The following ADAMTS14 variants were observed in gnomAD, a reference collection of about 807,000 sequenced individuals.
ADAMTS14 encodes the protein A disintegrin and metalloproteinase with thrombospondin motifs 14.
ADAMTS14 carries 100 observed loss-of-function variants against 128.6 expected under a neutral mutation model. The observed-to-expected ratio is 0.78, with a 90% CI of 0.66 to 0.92. The LOEUF (loss-of-function observed/expected upper bound fraction) is 0.92, where lower values mean the gene tolerates loss of function less well. ADAMTS14 is among the 40% of genes least tolerant of loss of function. The pLI is 0.00. For missense variants in ADAMTS14, 1,562 were observed against 1,658.6 expected (o/e 0.94, Z 1.01); for synonymous variants, 665 against 653.8 (o/e 1.02, Z -0.26).
intron 15 of ADAMTS14, among the ~76,000 whole-genome samples, chr10:70,747,014 A>G (rs1357991336): frequency 6.6e-6 from 1 of 152,150 alleles, no homozygotes; most frequent in East Asian, 1.9e-4. Flanking sequence ...CATAAATGGA[A>G]AAACAAAACA....
intron 2 of ADAMTS14, among the ~76,000 whole-genome samples, chr10:70,689,979 G>A (rs1840139155): frequency 6.9e-6 from 1 of 144,904 alleles, no homozygotes; most frequent in Non-Finnish European, 1.6e-5. Context: ...CATTTGGTAT[G>A]TCACATATTT....
At chr10:70,707,605 C>T (rs1053345382) in intron 3 of ADAMTS14, among the ~76,000 whole-genome samples, 4 of 152,192 alleles carry the variant, frequency 2.6e-5, no homozygotes, top group East Asian at 1.9e-4. Context: ...TACCCTTCTA[C>T]GTGGCGGCAT....
chr10:70,727,964 C>T (rs1309493746), intron 4 of ADAMTS14, among the ~76,000 whole-genome samples: 2 of 152,108 alleles, frequency 1.3e-5, no homozygotes, highest in Non-Finnish European at 1.5e-5. Flanking sequence ...GGTGTGGTGG[C>T]GGGTGCCTGT....
At position 70,691,482 on chromosome 10, in the gene ADAMTS14, C is replaced by G. The variant is rs1269596432; in HGVS notation, c.523-10830C>G. On this transcript the variant is annotated intron_variant, in intron 2 of 21. Transcript: ENST00000373207. ...CTCCAGCCTGGGGACAGAGTGAGAC[C>G]CTGTTAAAAAAAAAAAAAAAAAAAA... is the stretch of plus-strand genomic sequence containing the variant. Among the ~76,000 whole-genome samples, 9 of 97,846 alleles carry G rather than the reference C, an allele frequency of 9.2e-5. 1 individual carries two copies. The highest frequency in any genetic ancestry group is 2.5e-4 in the African/African-American group (7 of 28,088). 64.2% of individuals were successfully genotyped at this position (97,846 alleles called of 152,430 possible). A position where few individuals can be genotyped will look rare whatever the true frequency, so the allele number is the denominator to read the frequency against.
At chr10:70,680,348 T>A (rs1444031525) in intron 2 of ADAMTS14, among the ~76,000 whole-genome samples, 1 of 152,028 alleles carries the variant, frequency 6.6e-6, no homozygotes, top group Non-Finnish European at 1.5e-5. Context: ...GAGGTTGCAG[T>A]GAGCCAAGAT....
intron 2 of ADAMTS14, among the ~76,000 whole-genome samples, chr10:70,694,751 G>A (rs1190275556): frequency 6.6e-6 from 1 of 152,082 alleles, no homozygotes; most frequent in East Asian, 1.9e-4. Context: ...TCATTGTATG[G>A]CTATATATAT....
chr10:70,749,608 A>AGT (rs72483126), intron 15 of ADAMTS14, among the ~76,000 whole-genome samples: 9,801 of 147,756 alleles, frequency 0.066, 350 homozygotes, highest in African/African-American at 0.092. Flanking sequence ...AGGCAGCAAG[A>AGT]GTGTGTGTGT....
In ADAMTS14 at chr10:70,738,956, G is replaced by A; in HGVS notation, c.1714G>A (p.Val572Met). 6.2e-7 allele frequency: 1 copy of A among 1,613,158 alleles called. No individual in the cohort carries two copies. The highest frequency in any genetic ancestry group is 8.5e-7 in the Non-Finnish European group (1 of 1,179,444). ...ATGTTCGCGGTCATGTGGGGGCGGGGTGCGATCCCGCAGCCGGAGCTGCAA... is the reference window on the plus strand; with the variant it reads ...ATGTTCGCGGTCATGTGGGGGCGGGATGCGATCCCGCAGCCGGAGCTGCAA... Reference protein sequence around the residue: ...GSCSRSCGGGVRSRSRSCNNP... With the variant: ...GSCSRSCGGGMRSRSRSCNNP... The change falls in exon 11 of 22, where the codon GTG (valine) becomes ATG (methionine). Residue 572 changes from valine to methionine, a missense_variant. Physicochemically the swap from Val to Met is conservative, Grantham distance 21 (BLOSUM62 1). Coordinates refer to ENST00000373207, the MANE Select transcript of ADAMTS14 (RefSeq NM_080722.4).
intron 4 of ADAMTS14, among the ~76,000 whole-genome samples, chr10:70,714,002 T>G (rs1840939987): frequency 6.6e-6 from 1 of 152,138 alleles, no homozygotes; most frequent in Non-Finnish European, 1.5e-5. Context: ...AAGACAAGCC[T>G]GGGCATAGCA....
At chr10:70,703,501 G>A (rs1840558375) in intron 3 of ADAMTS14, among the ~76,000 whole-genome samples, 1 of 152,216 alleles carries the variant, frequency 6.6e-6, no homozygotes, top group Admixed American at 6.5e-5. Flanking sequence ...TGGCACCAGA[G>A]CCAGAGGGTT....
At chr10:70,759,426 C>G (rs186070054) in intron 21 of ADAMTS14, among the ~76,000 whole-genome samples, 24 of 152,224 alleles carry the variant, frequency 1.6e-4, no homozygotes, top group Admixed American at 1.4e-3. Context: ...TCTGGAGAAG[C>G]CTACATGGAG....
rs552509796 is a variant in ADAMTS14, at chr10:70,753,450, G to A, written c.2730-350G>A. On this transcript the variant is annotated intron_variant, in intron 18 of 21. Coordinates refer to ENST00000373207, the MANE Select transcript of ADAMTS14 (RefSeq NM_080722.4). ...TCTCAGCACCCAGGACAGTGCTTGC[G>A]CCAGTGGGCCCTCAAATATGTATGC... Among the ~76,000 whole-genome samples, 11 of 152,324 alleles carry A rather than the reference G, an allele frequency of 7.2e-5. No homozygotes were observed. The South Asian group carries it at 8.3e-4, about 11-fold the overall frequency.
rs12573006 is a variant in ADAMTS14 at position 70,743,765 on chromosome 10, G to T, written c.2058+84G>T. The T allele has an allele frequency of 3.4e-4, 496 of 1,453,744 alleles. No individual in the cohort carries two copies. In the East Asian group the frequency reaches 0.011, roughly 33 times the overall value. The allele number at this position is 1,453,744 out of a possible 1,614,324, so 90.1% of individuals were successfully genotyped here. A position where few individuals can be genotyped will look rare whatever the true frequency, so the allele number is the denominator to read the frequency against. ...TAGCCCCTCCTGCCTGGGAAGATGA[G>T]CATTGCCTCACCGGCCCACTCGCAA... On this transcript the variant is annotated intron_variant, in intron 13 of 21. Coordinates refer to ENST00000373207, the MANE Select transcript of ADAMTS14 (RefSeq NM_080722.4).
chr10:70,743,836 A>G (rs1200788075), intron 13 of ADAMTS14, among the ~76,000 whole-genome samples, 155 bp downstream of exon 13: 1 of 152,160 alleles, frequency 6.6e-6, no homozygotes, highest in Admixed American at 6.5e-5. Context: ...GGAAGGGGCT[A>G]ATTATTGCTC....
At position 70,722,414 on chromosome 10, in the gene ADAMTS14, A is replaced by G. The variant is rs74139893; in HGVS notation, c.871-6880A>G. Among the ~76,000 whole-genome samples, 1,338 of 152,266 alleles carry G rather than the reference A, an allele frequency of 8.8e-3. 13 individuals carry two copies. The highest frequency in any genetic ancestry group is 0.028 in the African/African-American group (1,176 of 41,544). ...GTTCAGAGGCAGTAAGTGATCAGGG[A>G]AGGTGTATGAGCAGGTCAGGTTTTC... On this transcript the variant is annotated intron_variant, in intron 4 of 21. Coordinates refer to ENST00000373207, the MANE Select transcript of ADAMTS14 (RefSeq NM_080722.4).
intron 2 of ADAMTS14, among the ~76,000 whole-genome samples, chr10:70,697,770 CA>C (rs2132582993): frequency 8.9e-6 from 1 of 112,636 alleles, no homozygotes; most frequent in African/African-American, 2.9e-5. Flanking sequence ...CCTGGGCTTA[CA>C]CCCTGAGGGG....
At chr10:70,688,299 C>T (rs1416035616) in intron 2 of ADAMTS14, among the ~76,000 whole-genome samples, 10 of 77,202 alleles carry the variant, frequency 1.3e-4, no homozygotes, top group African/African-American at 4.1e-4. Context: ...TCCTCACTTC[C>T]TAGATGTGAT....
intron 2 of ADAMTS14, among the ~76,000 whole-genome samples, chr10:70,676,237 T>G (rs1478698949): frequency 3.9e-5 from 6 of 152,074 alleles, no homozygotes; most frequent in Non-Finnish European, 7.4e-5. Context: ...ACTCCTGGCC[T>G]CCAGCCATCC....
chr10:70,738,947 G>C lies in ADAMTS14; in HGVS notation c.1705G>C (p.Gly569Arg), dbSNP rs777630903. The C allele has an allele frequency of 1.2e-6, 2 of 1,613,718 alleles. No individual in the cohort carries two copies. The highest frequency in any genetic ancestry group is 1.7e-4 in the Middle Eastern group (1 of 6,058). Reference protein sequence around the residue: ...TKFGSCSRSCGGGVRSRSRSC... With the variant: ...TKFGSCSRSCRGGVRSRSRSC... ...GTTTGGGTCATGTTCGCGGTCATGT[G>C]GGGGCGGGGTGCGATCCCGCAGCCG... The change falls in exon 11 of 22, where the codon GGG (glycine) becomes CGG (arginine). Residue 569 changes from glycine (G) to arginine (R), a missense_variant. Gly to Arg is a moderately radical substitution (Grantham distance 125). Coordinates refer to ENST00000373207, the MANE Select transcript of ADAMTS14 (RefSeq NM_080722.4).
Sources: allele counts gnomAD v4.1 joint callset (sites outside exome capture counted in the v4.1 genomes callset), GRCh38; gene constraint gnomAD v4.1.1; transcripts MANE v1.5; gene names NCBI Gene and HGNC (gene_info 2026-07-23, HGNC 2026-07-21).